TRPM3: variants seen among roughly 807,000 people sequenced by gnomAD.
TRPM3 encodes the protein transient receptor potential cation channel subfamily M member 3.
A neutral mutation model predicts 181.2 loss-of-function variants in TRPM3; 77 were observed. The ratio of observed to expected loss-of-function variants is 0.42; its 90% CI spans 0.35 to 0.51. The LOEUF (loss-of-function observed/expected upper bound fraction) is 0.51, where lower values mean the gene tolerates loss of function less well. TRPM3 is among the 20% of genes least tolerant of loss of function. The probability of loss-of-function intolerance (pLI) is 0.01; values close to 1 mark genes in which losing one functional copy is unlikely to be tolerated. For missense variants in TRPM3, 1,759 were observed against 2,196.7 expected (o/e 0.80, Z 3.98); for synonymous variants, 745 against 796.4 (o/e 0.94, Z 1.09).
At chr9:71,244,793 T>C (rs2131985161) in intron 1 of TRPM3, among the ~76,000 whole-genome samples, 1 of 151,992 alleles carries the variant, frequency 6.6e-6, no homozygotes, top group South Asian at 2.1e-4. Context: ...ATGGGAAAAA[T>C]GCAAATAAAC....
chr9:71,410,863 G>A (rs549820414), intron 1 of TRPM3, among the ~76,000 whole-genome samples: 30 of 152,194 alleles, frequency 2.0e-4, no homozygotes, highest in African/African-American at 7.2e-4. Flanking sequence ...TCAAAATACT[G>A]GCAAACCGAA....
intron 3 of TRPM3, among the ~76,000 whole-genome samples, chr9:70,859,204 A>G (rs2095463905): frequency 6.6e-6 from 1 of 152,168 alleles, no homozygotes; most frequent in Non-Finnish European, 1.5e-5. Context: ...ACTGGGTTCC[A>G]CAAAGTATAT....
chr9:70,881,577 A>C (rs1037101282), intron 1 of TRPM3, among the ~76,000 whole-genome samples: 1 of 152,212 alleles, frequency 6.6e-6, no homozygotes, highest in Non-Finnish European at 1.5e-5. Context: ...TAAGCTGTTG[A>C]TAATTGAAGC....
At chr9:70,685,726 T>C (rs981783930) in intron 8 of TRPM3, among the ~76,000 whole-genome samples, 3 of 152,190 alleles carry the variant, frequency 2.0e-5, no homozygotes, top group African/African-American at 7.2e-5. Flanking sequence ...TACATACAGT[T>C]TAAAGTATTA....
At chr9:71,107,381 T>C (rs1040501379) in intron 1 of TRPM3, among the ~76,000 whole-genome samples, 1 of 152,184 alleles carries the variant, frequency 6.6e-6, no homozygotes, top group Admixed American at 6.5e-5. Flanking sequence ...AAGGGTTATC[T>C]TTTCAAGGAA....
intron 1 of TRPM3, among the ~76,000 whole-genome samples, chr9:71,203,883 C>T: frequency 6.6e-6 from 1 of 152,074 alleles, no homozygotes; most frequent in Admixed American, 6.6e-5. Context: ...TTCAGTGCCA[C>T]ATATAGTAGT....
intron 22 of TRPM3, among the ~76,000 whole-genome samples, chr9:70,585,298 T>C (rs2056880491): frequency 6.6e-6 from 1 of 152,180 alleles, no homozygotes; most frequent in African/African-American, 2.4e-5. Flanking sequence ...TTTGACACCG[T>C]TGACCACTCA....
intron 1 of TRPM3, among the ~76,000 whole-genome samples, chr9:71,018,460 A>C (rs1030563813): frequency 6.6e-6 from 1 of 151,920 alleles, no homozygotes; most frequent in Non-Finnish European, 1.5e-5. Context: ...GTTGCAAAAA[A>C]CCAATCTTGT....
At chr9:71,035,989 T>TC (rs2058145875) in intron 1 of TRPM3, among the ~76,000 whole-genome samples, 1 of 150,754 alleles carries the variant, frequency 6.6e-6, no homozygotes, top group Non-Finnish European at 1.5e-5. Context: ...AGGCTTTTTT[T>TC]TTTTTTTTTT....
At chr9:70,977,897 A>G (rs2097322909) in intron 1 of TRPM3, among the ~76,000 whole-genome samples, 1 of 152,194 alleles carries the variant, frequency 6.6e-6, no homozygotes, top group Non-Finnish European at 1.5e-5. Context: ...TGTTGTATTT[A>G]CCAACCCAGA....
At chr9:71,001,051 A>G (rs1403252873) in intron 1 of TRPM3, among the ~76,000 whole-genome samples, 1 of 152,220 alleles carries the variant, frequency 6.6e-6, no homozygotes, top group Admixed American at 6.5e-5. Flanking sequence ...GTACTAACGA[A>G]TTGTCTTCAT....
At chr9:71,370,618 T>C (rs1217954160) in intron 1 of TRPM3, among the ~76,000 whole-genome samples, 1 of 152,168 alleles carries the variant, frequency 6.6e-6, no homozygotes, top group Non-Finnish European at 1.5e-5. Context: ...AGTTATTTCA[T>C]TAGATTAAAG....
At chr9:70,554,626 C>A (rs1236304341) in intron 22 of TRPM3, among the ~76,000 whole-genome samples, 2 of 152,190 alleles carry the variant, frequency 1.3e-5, no homozygotes, top group Admixed American at 6.5e-5. Flanking sequence ...CCCCAGGCAT[C>A]AGCATTTCTT....
At position 70,744,352 on chromosome 9, in the gene TRPM3, A is replaced by G. The variant is rs373052804; in HGVS notation, c.1272+17249T>C. Among the ~76,000 whole-genome samples the G allele has an allele frequency of 1.4e-4, 22 of 152,128 alleles. No individual in the cohort carries two copies. In the South Asian group the frequency reaches 4.6e-3, roughly 32 times the overall value. ...CTCAAAAAAAAAAAAGTAAAAAGAA[A>G]AAAGAGAAAGAAAAAGAAAATCAAA... is the stretch of plus-strand genomic sequence containing the variant. On this transcript the variant is annotated intron_variant, in intron 8 of 25. Coordinates refer to ENST00000677713, the MANE Select transcript of TRPM3 (RefSeq NM_001366145.2).
chr9:70,560,583 G>A (rs760632285), intron 22 of TRPM3, among the ~76,000 whole-genome samples: 14 of 152,210 alleles, frequency 9.2e-5, no homozygotes, highest in Non-Finnish European at 1.6e-4. Context: ...TCAGAGCCAG[G>A]AAGAACAAAA....
At chr9:71,038,982 A>G (rs1367130012) in intron 1 of TRPM3, among the ~76,000 whole-genome samples, 1 of 152,198 alleles carries the variant, frequency 6.6e-6, no homozygotes, top group African/African-American at 2.4e-5. Context: ...TCAGTGCATT[A>G]ATAAATCAGG....
At chr9:70,595,700 C>T (rs2058891365) in intron 21 of TRPM3, among the ~76,000 whole-genome samples, 1 of 152,174 alleles carries the variant, frequency 6.6e-6, no homozygotes, top group Admixed American at 6.5e-5. Flanking sequence ...GTCCACAGAT[C>T]CTACCTCCTG....
chr9:70,562,368 T>C (rs1361191501), intron 22 of TRPM3, among the ~76,000 whole-genome samples: 1 of 152,180 alleles, frequency 6.6e-6, no homozygotes, highest in East Asian at 1.9e-4. Context: ...TTAATCTTTT[T>C]ATTCCTGGTA....
chr9:70,761,583 C>G lies in TRPM3; in HGVS notation c.1272+18G>C. Reference sequence around the variant, plus strand: ...TGAAAATGTGGAGACAGCTGGCCACCCATGCGGAATTACCTACCAATTCCT... The same window carrying G: ...TGAAAATGTGGAGACAGCTGGCCACGCATGCGGAATTACCTACCAATTCCT... On this transcript the variant is annotated intron_variant, in intron 8 of 25. Coordinates refer to ENST00000677713, the MANE Select transcript of TRPM3 (RefSeq NM_001366145.2). 1 of 1,613,928 alleles carries G rather than the reference C, an allele frequency of 6.2e-7. No homozygotes were observed. The highest frequency in any genetic ancestry group is 8.5e-7 in the Non-Finnish European group (1 of 1,179,964).
Sources: gnomAD v4.1 joint callset for allele counts (sites outside exome capture counted in the v4.1 genomes callset) on GRCh38, gnomAD v4.1.1 for gene constraint, MANE v1.5 for transcripts, NCBI Gene and HGNC (gene_info 2026-07-23, HGNC 2026-07-21) for gene names.